MICAL3: variants seen among roughly 807,000 people sequenced by gnomAD.
MICAL3 encodes [F-actin]-monooxygenase MICAL3.
MICAL3 carries 62 observed loss-of-function variants against 207.4 expected under a neutral mutation model. The ratio of observed to expected loss-of-function variants is 0.30; its 90% CI spans 0.24 to 0.37. The LOEUF is 0.37. MICAL3 is among the 10% of genes least tolerant of loss of function. The pLI is 1.00. For synonymous variants in MICAL3, 1,077 were observed against 1,069.3 expected, an observed-to-expected ratio of 1.01 and a Z score of -0.14; for missense variants, 2,368 against 2,635.6, an observed-to-expected ratio of 0.90 and a Z score of 2.22.
At chr22:17,940,257 C>T (rs1933745779) in intron 1 of MICAL3, among the ~76,000 whole-genome samples, 1 of 152,180 alleles carries the variant, frequency 6.6e-6, no homozygotes, top group Non-Finnish European at 1.5e-5. Flanking sequence ...AGAACTGATC[C>T]TGCCAGGTGC....
intron 1 of MICAL3, among the ~76,000 whole-genome samples, chr22:17,957,892 G>T (rs1055199309): frequency 1.3e-5 from 2 of 152,108 alleles, no homozygotes; most frequent in Non-Finnish European, 2.9e-5. Context: ...CCTGCATATG[G>T]AAGACAGCTG....
intron 20 of MICAL3, among the ~76,000 whole-genome samples, chr22:17,835,569 G>A (rs1366911628): frequency 6.6e-6 from 1 of 152,270 alleles, no homozygotes; most frequent in Non-Finnish European, 1.5e-5. Context: ...GGAAGCTGCA[G>A]TGTGGCCGAC....
At chr22:17,877,445 G>GGTTATGGAGGTTATGGAGGTTAGGGAA (rs1928872659) in intron 16 of MICAL3, among the ~76,000 whole-genome samples, 55 of 104,834 alleles carry the variant, frequency 5.2e-4, no homozygotes, top group Admixed American at 8.9e-4. Context: ...AGGTGAGGGA[G>GGTTATGGAGGTTATGGAGGTTAGGGAA]GTTATGGAGG....
At chr22:17,993,967 T>C (rs1188376415) in intron 1 of MICAL3, among the ~76,000 whole-genome samples, 1 of 152,186 alleles carries the variant, frequency 6.6e-6, no homozygotes, top group Admixed American at 6.5e-5. Flanking sequence ...TTTAGCCCTC[T>C]GTGCCCCACT....
intron 1 of MICAL3, among the ~76,000 whole-genome samples, chr22:17,944,888 T>C (rs1333300086): frequency 6.6e-6 from 1 of 152,112 alleles, no homozygotes; most frequent in Admixed American, 6.5e-5. Flanking sequence ...TGGGGACCGC[T>C]GTACTATTCA....
intron 16 of MICAL3, among the ~76,000 whole-genome samples, chr22:17,883,988 G>A (rs1212822318): frequency 1.3e-5 from 2 of 152,174 alleles, no homozygotes; most frequent in Non-Finnish European, 2.9e-5. Context: ...ACCCAAGAGC[G>A]CGGGTACCCT....
intron 1 of MICAL3, among the ~76,000 whole-genome samples, chr22:18,016,032 G>C (rs1245380023): frequency 1.3e-5 from 2 of 152,064 alleles, no homozygotes; most frequent in African/African-American, 4.8e-5. Flanking sequence ...AAATTCCTGG[G>C]TCTGGTAATT....
chr22:17,926,580 C>A (rs940440923), intron 1 of MICAL3, among the ~76,000 whole-genome samples: 4 of 152,192 alleles, frequency 2.6e-5, no homozygotes, highest in Admixed American at 2.6e-4. Context: ...CAAAATAGAA[C>A]CCCATCTTCC....
In MICAL3 at chr22:17,893,847, G is replaced by C. The variant is rs1470219853; in HGVS notation, c.1507C>G (p.Leu503Val). ...TTGGGGGTGGTTCGGGAATTCACCA[G>C]GCTCTCCATTTCCAGGTGAATATCT... is the stretch of plus-strand genomic sequence containing the variant. ...TKDIHLEMES[L>V]VNSRTTPKLT... Residue 503 changes from leucine to valine, a missense_variant, in exon 11 of 32, where the codon CTG becomes GTG. Leu to Val is a conservative substitution (Grantham distance 32). Transcript: ENST00000441493. 1.3e-6 allele frequency: 2 copies of C among 1,577,470 alleles called. No homozygotes were observed. Among genetic ancestry groups the C allele is most frequent in the Non-Finnish European group, 1.7e-6 (2 of 1,160,216 alleles).
chr22:17,932,615 T>C (rs1933322007), intron 1 of MICAL3, among the ~76,000 whole-genome samples: 1 of 152,198 alleles, frequency 6.6e-6, no homozygotes, highest in African/African-American at 2.4e-5. Flanking sequence ...AGGATCGAAT[T>C]CACACATAAC....
At chr22:17,807,533 C>T (rs150162174) in intron 29 of MICAL3, among the ~76,000 whole-genome samples, 1,540 of 152,312 alleles carry the variant, frequency 0.01, 17 homozygotes, top group Middle Eastern at 0.048. Flanking sequence ...TGAGCCCAAA[C>T]CAAGAACATC....
rs371090188 is a variant in MICAL3 at position 17,880,320 on chromosome 22, T to A, written c.2241+5558A>T. On this transcript the variant is annotated intron_variant, in intron 16 of 31. Transcript: ENST00000441493. ...AACAGCACCTGCCTCACAGGGTTACTGTGAGAACTGACGGAGACACAGCTT... is the reference window on the plus strand; with the variant it reads ...AACAGCACCTGCCTCACAGGGTTACAGTGAGAACTGACGGAGACACAGCTT... 4.6e-5 allele frequency among the ~76,000 whole-genome samples: 7 copies of A among 152,302 alleles called. No individual in the cohort carries two copies. The East Asian group carries it at 1.2e-3, about 25-fold the overall frequency.
intron 28 of MICAL3, 39 bp downstream of exon 28, chr22:17,810,664 C>G (rs1420367134): frequency 6.6e-7 from 1 of 1,512,164 alleles, no homozygotes; most frequent in Admixed American, 1.7e-5. Flanking sequence ...GCCCAACCCT[C>G]CCATGCATGT....
chr22:17,977,063 A>G (rs1169373989), intron 1 of MICAL3, among the ~76,000 whole-genome samples: 1 of 152,192 alleles, frequency 6.6e-6, no homozygotes, highest in East Asian at 1.9e-4. Context: ...TCCGCCTCCC[A>G]AAGTGCTGGG....
intron 22 of MICAL3, among the ~76,000 whole-genome samples, chr22:17,827,259 C>T (rs886526555): frequency 1.3e-5 from 2 of 152,002 alleles, no homozygotes; most frequent in African/African-American, 4.8e-5. Context: ...ATGCCCCTCC[C>T]GCCCCCTTCC....
chr22:17,966,587 G>A (rs1443932720), intron 1 of MICAL3, among the ~76,000 whole-genome samples: 3 of 152,182 alleles, frequency 2.0e-5, no homozygotes, highest in Non-Finnish European at 4.4e-5. Context: ...GCACAGGCTT[G>A]GGAGTTGGAC....
chr22:17,990,751 T>C (rs1215707170), intron 1 of MICAL3, among the ~76,000 whole-genome samples: 2 of 152,196 alleles, frequency 1.3e-5, no homozygotes, highest in Non-Finnish European at 2.9e-5. Context: ...GTGGGCCTCA[T>C]ACGGGTAACT....
chr22:17,862,262 CTTTT>C, intron 19 of MICAL3: 3 of 825,690 alleles, frequency 3.6e-6, no homozygotes, highest in Non-Finnish European at 4.4e-6. Context: ...CCCTTTTCTT[CTTTT>C]TTTTTTTTAG....
chr22:17,917,490 T>C (rs73388426), intron 1 of MICAL3, among the ~76,000 whole-genome samples: 3,995 of 152,240 alleles, frequency 0.026, 184 homozygotes, highest in African/African-American at 0.092. Context: ...TTCTCTATCA[T>C]CCTCATTGAG....
Sources: allele counts gnomAD v4.1 joint callset (sites outside exome capture counted in the v4.1 genomes callset), GRCh38; gene constraint gnomAD v4.1.1; transcripts MANE v1.5; gene names NCBI Gene and HGNC (gene_info 2026-07-23, HGNC 2026-07-21).